The following LYPLAL1 variants were observed in gnomAD, a reference collection of about 807,000 sequenced individuals.
LYPLAL1 encodes the protein lysophospholipase-like protein 1.
Under a neutral mutation model 19.7 loss-of-function variants are expected in LYPLAL1, and 23 were observed. The observed-to-expected ratio is 1.17, with a 90% CI of 0.84 to 1.65. LYPLAL1 has a LOEUF of 1.65. Ranked by LOEUF, LYPLAL1 falls within the 40% of genes most tolerant of loss-of-function variation. The probability of loss-of-function intolerance (pLI) is 0.00; values close to 1 mark genes in which losing one functional copy is unlikely to be tolerated. For synonymous variants in LYPLAL1, 119 were observed against 96.3 expected (o/e 1.24, Z -1.38); for missense variants, 355 against 279.4 (o/e 1.27, Z -1.93).
At chr1:219,434,625 T>A in the LYPLAL1 span, among the ~76,000 whole-genome samples, 2 of 152,210 alleles carry the variant, frequency 1.3e-5, no homozygotes, top group Admixed American at 1.3e-4. Flanking sequence ...AAAAATGCCT[T>A]TTCCTTCAGC....
At chr1:219,420,413 A>T in the LYPLAL1 span, among the ~76,000 whole-genome samples, 216 of 152,348 alleles carry the variant, frequency 1.4e-3, 2 homozygotes, top group African/African-American at 4.6e-3. Flanking sequence ...CTAAGAAAAG[A>T]TCATCGTTGT....
chr1:219,365,281 G>T, the LYPLAL1 span, among the ~76,000 whole-genome samples: 1 of 152,096 alleles, frequency 6.6e-6, no homozygotes, highest in Non-Finnish European at 1.5e-5. Context: ...CCATTTAAGT[G>T]ATTTTCAGCC....
At chr1:219,276,808 G>T in the LYPLAL1 span, among the ~76,000 whole-genome samples, 53 of 152,272 alleles carry the variant, frequency 3.5e-4, no homozygotes, top group African/African-American at 1.2e-3. Flanking sequence ...TTCCCCCAAA[G>T]GACACATATG....
At chr1:219,351,046 A>G in the LYPLAL1 span, among the ~76,000 whole-genome samples, 1 of 152,064 alleles carries the variant, frequency 6.6e-6, no homozygotes, top group East Asian at 1.9e-4. Flanking sequence ...GCCTTGTTCA[A>G]CCTCTGCTGT....
At chr1:219,278,859 G>A in the LYPLAL1 span, among the ~76,000 whole-genome samples, 2 of 152,128 alleles carry the variant, frequency 1.3e-5, no homozygotes, top group Admixed American at 6.5e-5. Context: ...CTTGTAGGAT[G>A]TTTAGCAGCA....
At chr1:219,350,918 C>T in the LYPLAL1 span, among the ~76,000 whole-genome samples, 3 of 152,104 alleles carry the variant, frequency 2.0e-5, no homozygotes, top group Admixed American at 2.0e-4. Context: ...CAATTCCTGG[C>T]AGGGCTTCTG....
At chr1:219,291,547 C>T in the LYPLAL1 span, among the ~76,000 whole-genome samples, 1 of 152,146 alleles carries the variant, frequency 6.6e-6, no homozygotes, top group Non-Finnish European at 1.5e-5. Flanking sequence ...TAAGCCACCT[C>T]TTCCCTAATA....
chr1:219,280,102 T>G, the LYPLAL1 span, among the ~76,000 whole-genome samples: 1 of 152,240 alleles, frequency 6.6e-6, no homozygotes, highest in Non-Finnish European at 1.5e-5. Flanking sequence ...TCTCTGAAAA[T>G]TTTTTAGAAG....
chr1:219,350,518 G>A, the LYPLAL1 span, among the ~76,000 whole-genome samples: 1 of 152,182 alleles, frequency 6.6e-6, no homozygotes, highest in African/African-American at 2.4e-5. Flanking sequence ...CTGCACTTTG[G>A]TAGAGAATAT....
the LYPLAL1 span, among the ~76,000 whole-genome samples, chr1:219,384,533 G>A: frequency 6.6e-6 from 1 of 152,108 alleles, no homozygotes; most frequent in Admixed American, 6.6e-5. Flanking sequence ...CAGATCAAAG[G>A]TAATGTCAAT....
chr1:219,231,982 CAT>C, the LYPLAL1 span, among the ~76,000 whole-genome samples: 5 of 152,224 alleles, frequency 3.3e-5, no homozygotes, highest in African/African-American at 7.2e-5. Flanking sequence ...CTCCATGACA[CAT>C]GTCTTGAGAC....
At chr1:219,311,741 T>C in the LYPLAL1 span, among the ~76,000 whole-genome samples, 1 of 152,158 alleles carries the variant, frequency 6.6e-6, no homozygotes, top group African/African-American at 2.4e-5. Flanking sequence ...TGGTGAGAAT[T>C]TGAATATACG....
the LYPLAL1 span, among the ~76,000 whole-genome samples, chr1:219,291,672 T>G: frequency 1.3e-5 from 2 of 152,166 alleles, no homozygotes; most frequent in East Asian, 3.9e-4. Flanking sequence ...TCCCCCAACC[T>G]CTTAGCTCTC....
At chr1:219,307,965 A>C in the LYPLAL1 span, among the ~76,000 whole-genome samples, 1 of 152,206 alleles carries the variant, frequency 6.6e-6, no homozygotes, top group Non-Finnish European at 1.5e-5. Context: ...GCAGCATGAA[A>C]TCAGACAGGA....
the LYPLAL1 span, among the ~76,000 whole-genome samples, chr1:219,244,000 C>T: frequency 6.6e-6 from 1 of 150,692 alleles, no homozygotes; most frequent in African/African-American, 2.4e-5. Flanking sequence ...ACAAAATGAC[C>T]AAAACTCACA....
chr1:219,393,904 T>G, the LYPLAL1 span, among the ~76,000 whole-genome samples: 1 of 151,688 alleles, frequency 6.6e-6, no homozygotes, highest in Non-Finnish European at 1.5e-5. Flanking sequence ...TAAATACTGA[T>G]TCACATGAAA....
chr1:219,269,471 A>T, the LYPLAL1 span, among the ~76,000 whole-genome samples: 1 of 152,168 alleles, frequency 6.6e-6, no homozygotes, highest in Non-Finnish European at 1.5e-5. Flanking sequence ...AAGTCACCTC[A>T]GTTTTCTTAT....
the LYPLAL1 span, among the ~76,000 whole-genome samples, chr1:219,299,690 T>C: frequency 6.6e-6 from 1 of 152,204 alleles, no homozygotes; most frequent in Non-Finnish European, 1.5e-5. Flanking sequence ...TGCCCTTTCA[T>C]GAGCTGGCCT....
chr1:219,211,891 A>G lies in LYPLAL1; in HGVS notation c.*163A>G. The G allele has an allele frequency of 2.2e-6, 1 of 457,310 alleles. No homozygotes were observed. Among genetic ancestry groups the G allele is most frequent in the East Asian group, 3.3e-5 (1 of 30,124 alleles). The allele number at this position is 457,310 out of a possible 1,614,324, so 28.3% of individuals were successfully genotyped here. On this transcript the variant is annotated 3_prime_UTR_variant, in exon 5 of 5. Transcript: ENST00000366928. The stretch of plus-strand genomic sequence containing the variant: ...TAGACAGTAGCTAATCTTATTAATG[A>G]AAAACAATAGACAAACATCTGTGCA...
Sources: gnomAD v4.1 joint callset for allele counts (sites outside exome capture counted in the v4.1 genomes callset) on GRCh38, gnomAD v4.1.1 for gene constraint, MANE v1.5 for transcripts, NCBI Gene and HGNC (gene_info 2026-07-23, HGNC 2026-07-21) for gene names.